Variants in STAU2 observed in about 807,000 individuals in gnomAD.
STAU2 encodes double-stranded RNA-binding protein Staufen homolog 2.
STAU2 carries 20 observed loss-of-function variants against 65.9 expected under a neutral mutation model. That is an observed-to-expected ratio of 0.30 (90% CI 0.21 to 0.44). STAU2 has a LOEUF of 0.44. Ranked by LOEUF, STAU2 falls within the 20% of genes least tolerant of loss-of-function variation. The pLI is 1.00. For synonymous variants in STAU2, 232 were observed against 233.9 expected (o/e 0.99, Z 0.07); for missense variants, 558 against 683.9 (o/e 0.82, Z 2.05).
At chr8:73,687,237 AATTT>A (rs1259244815) in intron 5 of STAU2, among the ~76,000 whole-genome samples, 4 of 118,538 alleles carry the variant, frequency 3.4e-5, no homozygotes, top group Non-Finnish European at 6.9e-5. Context: ...AATATAAATT[AATTT>A]AAATATAAAT....
intron 10 of STAU2, among the ~76,000 whole-genome samples, chr8:73,601,763 T>C (rs1229730886): frequency 6.6e-6 from 1 of 152,180 alleles, no homozygotes; most frequent in Non-Finnish European, 1.5e-5. Flanking sequence ...GCCTAAGATA[T>C]GCTAAATTCC....
intron 5 of STAU2, among the ~76,000 whole-genome samples, chr8:73,679,649 AG>A (rs1415888951): frequency 1.1e-4 from 16 of 147,654 alleles, no homozygotes; most frequent in Admixed American, 1.1e-3. Flanking sequence ...TGGGAGGCCA[AG>A]GTGAGTGGAT....
chr8:73,536,195 G>A (rs1000688382), intron 13 of STAU2, among the ~76,000 whole-genome samples: 1 of 152,094 alleles, frequency 6.6e-6, no homozygotes, highest in South Asian at 2.1e-4. Flanking sequence ...ATTCCAAAAT[G>A]TGGAGAGAAG....
chr8:73,640,117 C>T (rs1471777817), intron 6 of STAU2, among the ~76,000 whole-genome samples: 1 of 152,058 alleles, frequency 6.6e-6, no homozygotes, highest in African/African-American at 2.4e-5. Flanking sequence ...CATCAATCAA[C>T]TGTATAGAAA....
chr8:73,714,953 T>C (rs1245545200), intron 3 of STAU2, among the ~76,000 whole-genome samples: 1 of 151,478 alleles, frequency 6.6e-6, no homozygotes, highest in Non-Finnish European at 1.5e-5. Context: ...TGATGGCGGG[T>C]GCCTGTAATC....
At chr8:73,603,056 T>C (rs1271446462) in intron 10 of STAU2, among the ~76,000 whole-genome samples, 1 of 152,172 alleles carries the variant, frequency 6.6e-6, no homozygotes, top group African/African-American at 2.4e-5. Context: ...TCCCCACCTT[T>C]GGATATGTTT....
chr8:73,540,232 C>A (rs1022318346), intron 13 of STAU2, among the ~76,000 whole-genome samples: 27 of 152,088 alleles, frequency 1.8e-4, no homozygotes, highest in African/African-American at 6.5e-4. Flanking sequence ...AATAACAAGT[C>A]CCCTTATAAG....
chr8:73,693,969 C>T (rs1819531383), intron 4 of STAU2, among the ~76,000 whole-genome samples: 1 of 152,030 alleles, frequency 6.6e-6, no homozygotes, highest in Admixed American at 6.6e-5. Context: ...AAAAACTGTA[C>T]TTCAAATATA....
intron 4 of STAU2, among the ~76,000 whole-genome samples, chr8:73,694,292 C>G (rs1017966681): frequency 6.6e-6 from 1 of 152,134 alleles, no homozygotes; most frequent in Admixed American, 6.5e-5. Context: ...AAAAAATCAC[C>G]AAGAATATAG....
At chr8:73,573,451 C>G (rs567869602) in intron 12 of STAU2, among the ~76,000 whole-genome samples, 5 of 152,342 alleles carry the variant, frequency 3.3e-5, no homozygotes, top group African/African-American at 1.2e-4. Flanking sequence ...CCAAGTCAAT[C>G]CTAAGCCAAA....
intron 11 of STAU2, among the ~76,000 whole-genome samples, chr8:73,587,387 A>T (rs1169250679): frequency 6.6e-6 from 1 of 152,230 alleles, no homozygotes; most frequent in Non-Finnish European, 1.5e-5. Context: ...TGTCCAGAAA[A>T]TAGTCAACTC....
At chr8:73,485,333 T>G (rs1820860108) in intron 13 of STAU2, among the ~76,000 whole-genome samples, 1 of 151,776 alleles carries the variant, frequency 6.6e-6, no homozygotes, top group African/African-American at 2.4e-5. Context: ...TCTAAAATTA[T>G]TATTCATATA....
intron 13 of STAU2, chr8:73,439,277 C>T (rs1817945329): frequency 2.9e-6 from 1 of 342,198 alleles, no homozygotes; most frequent in South Asian, 2.2e-5. Context: ...GCACTATCTC[C>T]AGCTCCCTGA....
chr8:73,725,528 G>A (rs1805562019), intron 3 of STAU2, among the ~76,000 whole-genome samples: 1 of 152,234 alleles, frequency 6.6e-6, no homozygotes, highest in South Asian at 2.1e-4. Flanking sequence ...CAGGCATGGT[G>A]GCTCACACCT....
rs1231727608 is a variant in STAU2, at chr8:73,425,753, A to G, written c.1531-3051T>C. Among the ~76,000 whole-genome samples, 4 of 152,058 alleles carry G rather than the reference A, an allele frequency of 2.6e-5. No individual in the cohort carries two copies. The East Asian group carries it at 7.7e-4, about 29-fold the overall frequency. On this transcript the variant is annotated intron_variant, in intron 13 of 14. Transcript: ENST00000524300. ...AAAAGTATCCACAATCCTGCTCACCATTCACATCTTGGCGCACGTCTTTCC... is the reference window on the plus strand; with the variant it reads ...AAAAGTATCCACAATCCTGCTCACCGTTCACATCTTGGCGCACGTCTTTCC...
intron 10 of STAU2, 53 bp downstream of exon 10, chr8:73,603,673 T>C: frequency 6.3e-7 from 1 of 1,580,618 alleles, no homozygotes. Context: ...AAATGCCTAT[T>C]CCATCCTGGG....
intron 6 of STAU2, among the ~76,000 whole-genome samples, chr8:73,627,230 GGCAGGAGGGC>G (rs1813736478): frequency 1.5e-5 from 1 of 65,888 alleles, no homozygotes; most frequent in Non-Finnish European, 3.5e-5. Flanking sequence ...GGGAGGGGGG[GGCAGGAGGGC>G]GGGTTCCCTG....
At position 73,421,305 on chromosome 8, in the gene STAU2, A is replaced by G; in HGVS notation, c.*67T>C. On this transcript the variant is annotated 3_prime_UTR_variant, in exon 15 of 15. Transcript: ENST00000524300. ...GTATTAGTCATTCATTTCCCTGAAC[A>G]CAGACACCCTCATGCGTGCTGACAG... The G allele has an allele frequency of 7.3e-7, 1 of 1,365,864 alleles. No individual in the cohort carries two copies. The highest frequency in any genetic ancestry group is 1.0e-6 in the Non-Finnish European group (1 of 992,080). 84.6% of individuals were successfully genotyped at this position (1,365,864 alleles called of 1,614,324 possible).
intron 4 of STAU2, among the ~76,000 whole-genome samples, chr8:73,689,519 C>T (rs1819177418): frequency 6.6e-6 from 1 of 152,138 alleles, no homozygotes; most frequent in Admixed American, 6.6e-5. Context: ...CCTGTTTTAG[C>T]ATGGCACAAA....
Sources: gnomAD v4.1 joint callset for allele counts (sites outside exome capture counted in the v4.1 genomes callset) on GRCh38, gnomAD v4.1.1 for gene constraint, MANE v1.5 for transcripts, NCBI Gene and HGNC (gene_info 2026-07-23, HGNC 2026-07-21) for gene names.